GRID2: variants seen among roughly 807,000 people sequenced by gnomAD.
The protein encoded by GRID2 is glutamate receptor ionotropic, delta-2.
In GRID2, 33 loss-of-function variants were observed where a neutral mutation model predicts 114.8. The observed-to-expected ratio is 0.29, with a 90% CI of 0.22 to 0.38. GRID2 has a LOEUF of 0.38. GRID2 is among the 10% of genes least tolerant of loss of function. The pLI is 1.00. For missense variants in GRID2, 1,184 were observed against 1,257.7 expected, an observed-to-expected ratio of 0.94 and a Z score of 0.89; for synonymous variants, 505 against 449.9, an observed-to-expected ratio of 1.12 and a Z score of -1.55.
chr4:93,258,035 G>A (rs950692856), intron 8 of GRID2, among the ~76,000 whole-genome samples: 1 of 145,390 alleles, frequency 6.9e-6, no homozygotes, highest in Admixed American at 6.9e-5. Context: ...CACAATACTG[G>A]TAATACTAAT....
At chr4:93,128,047 A>AAAC (rs1560908514) in intron 4 of GRID2, among the ~76,000 whole-genome samples, 7 of 145,090 alleles carry the variant, frequency 4.8e-5, no homozygotes, top group African/African-American at 1.6e-4. Flanking sequence ...AAAAAAAAAA[A>AAAC]AAAAAAAAAA....
chr4:93,632,071 T>C (rs963218162), intron 14 of GRID2, among the ~76,000 whole-genome samples: 1 of 152,226 alleles, frequency 6.6e-6, no homozygotes, highest in Non-Finnish European at 1.5e-5. Context: ...TTGTTTGTTT[T>C]TTCCTTGTAA....
intron 13 of GRID2, among the ~76,000 whole-genome samples, chr4:93,551,564 T>A (rs1057448578): frequency 6.6e-6 from 1 of 152,148 alleles, no homozygotes; most frequent in African/African-American, 2.4e-5. Flanking sequence ...GGCCATATGA[T>A]GTAGTGTTTC....
At chr4:92,751,908 G>A (rs1345812169) in intron 2 of GRID2, among the ~76,000 whole-genome samples, 1 of 152,192 alleles carries the variant, frequency 6.6e-6, no homozygotes, top group Non-Finnish European at 1.5e-5. Context: ...GGCAAAGTAA[G>A]ACTTCAATAG....
intron 14 of GRID2, among the ~76,000 whole-genome samples, chr4:93,756,689 T>C (rs964813242): frequency 6.6e-6 from 1 of 152,154 alleles, no homozygotes; most frequent in South Asian, 2.1e-4. Context: ...ATCATTACAA[T>C]GGGGCTTAGC....
intron 8 of GRID2, among the ~76,000 whole-genome samples, chr4:93,240,532 A>T (rs1747376367): frequency 6.7e-6 from 1 of 149,030 alleles, no homozygotes; most frequent in Non-Finnish European, 1.5e-5. Context: ...TTATCATTTA[A>T]TTTTTGCCAG....
chr4:92,802,224 G>A (rs1740206838), intron 2 of GRID2, among the ~76,000 whole-genome samples: 1 of 151,748 alleles, frequency 6.6e-6, no homozygotes, highest in Non-Finnish European at 1.5e-5. Context: ...TACACTCACA[G>A]CCTTCTCCAT....
chr4:93,613,344 G>T (rs10433960), intron 13 of GRID2, among the ~76,000 whole-genome samples: 1 of 139,862 alleles, frequency 7.1e-6, no homozygotes, highest in Non-Finnish European at 1.6e-5. Flanking sequence ...GCTTTGTTCT[G>T]TTGCTGGTGA....
intron 2 of GRID2, among the ~76,000 whole-genome samples, chr4:92,803,363 G>A (rs188721634): frequency 1.3e-5 from 2 of 151,984 alleles, no homozygotes; most frequent in African/African-American, 4.8e-5. Context: ...ATATCATGGA[G>A]TTTTAACACA....
chr4:93,772,693 G>A lies in GRID2; in HGVS notation c.*195G>A. The A allele has an allele frequency of 1.9e-6, 1 of 525,970 alleles. No homozygotes were observed. The highest frequency in any genetic ancestry group is 3.0e-5 in the East Asian group (1 of 33,338). 32.6% of individuals were successfully genotyped at this position (525,970 alleles called of 1,614,324 possible). ...TTTCTCTCTTTCCCCCTCCCTTCCTGTACATTTTCCTCCACTTTTTTTCAT... is the reference window on the plus strand; with the variant it reads ...TTTCTCTCTTTCCCCCTCCCTTCCTATACATTTTCCTCCACTTTTTTTCAT... On this transcript the variant is annotated 3_prime_UTR_variant, in exon 16 of 16. Transcript: ENST00000282020.
intron 9 of GRID2, among the ~76,000 whole-genome samples, chr4:93,404,817 G>A (rs1303611218): frequency 3.3e-5 from 5 of 152,080 alleles, no homozygotes; most frequent in Non-Finnish European, 7.4e-5. Context: ...ATTAGAAAGA[G>A]TATATGCGGA....
chr4:93,468,562 C>G (rs1724508209), intron 11 of GRID2, among the ~76,000 whole-genome samples: 1 of 151,908 alleles, frequency 6.6e-6, no homozygotes. Context: ...AGATAGATAT[C>G]TGGAGGAAAG....
chr4:92,719,771 C>A (rs931312986), intron 2 of GRID2, among the ~76,000 whole-genome samples: 1 of 152,068 alleles, frequency 6.6e-6, no homozygotes, highest in African/African-American at 2.4e-5. Context: ...TAAAATAGGA[C>A]ATGTAATTCA....
intron 14 of GRID2, among the ~76,000 whole-genome samples, chr4:93,721,942 G>A (rs1245297491): frequency 7.2e-6 from 1 of 139,524 alleles, no homozygotes; most frequent in Non-Finnish European, 1.5e-5. Context: ...TTTTTGAGAC[G>A]GAATCTTGCT....
intron 4 of GRID2, among the ~76,000 whole-genome samples, chr4:93,120,909 C>T (rs1733724495): frequency 6.6e-6 from 1 of 151,948 alleles, no homozygotes; most frequent in African/African-American, 2.4e-5. Context: ...GCCGAGATTG[C>T]GCCACTGCAC....
intron 13 of GRID2, among the ~76,000 whole-genome samples, chr4:93,611,942 G>T (rs1203360312): frequency 1.3e-5 from 2 of 148,172 alleles, no homozygotes; most frequent in Admixed American, 1.3e-4. Context: ...ATTAATGTGT[G>T]GGAGTCTAAG....
intron 2 of GRID2, among the ~76,000 whole-genome samples, chr4:92,889,506 C>T (rs1578396159): frequency 6.6e-6 from 1 of 152,114 alleles, no homozygotes; most frequent in African/African-American, 2.4e-5. Context: ...AATCATGAGT[C>T]AACTCCCATT....
chr4:93,094,718 C>T (rs1475107704), intron 3 of GRID2, among the ~76,000 whole-genome samples: 1 of 151,960 alleles, frequency 6.6e-6, no homozygotes, highest in African/African-American at 2.4e-5. Context: ...AGAAACAGGA[C>T]TCCTACTTAC....
intron 1 of GRID2, among the ~76,000 whole-genome samples, chr4:92,484,727 G>A (rs1375105219): frequency 1.3e-5 from 2 of 152,074 alleles, no homozygotes; most frequent in East Asian, 1.9e-4. Flanking sequence ...TATTGAGATA[G>A]TAGGATGATT....
Sources: gnomAD v4.1 joint callset for allele counts (sites outside exome capture counted in the v4.1 genomes callset) on GRCh38, gnomAD v4.1.1 for gene constraint, MANE v1.5 for transcripts, NCBI Gene and HGNC (gene_info 2026-07-23, HGNC 2026-07-21) for gene names.